Variants in LAMA2 observed in about 807,000 individuals in gnomAD.
LAMA2 encodes the protein laminin subunit alpha 2, also known as laminin subunit alpha-2.
LAMA2 carries 269 observed loss-of-function variants against 364.8 expected under a neutral mutation model. The observed-to-expected ratio is 0.74, with a 90% CI of 0.67 to 0.82. The LOEUF is 0.82. LAMA2 is among the 40% of genes least tolerant of loss of function. LAMA2 has a pLI of 0.00. For synonymous variants in LAMA2, 1,379 were observed against 1,370.6 expected, an observed-to-expected ratio of 1.01 and a Z score of -0.14; for missense variants, 3,807 against 3,873.2, an observed-to-expected ratio of 0.98 and a Z score of 0.45.
In LAMA2 at chr6:129,507,648, G is replaced by A. The variant is rs758859667; in HGVS notation, c.8857+6G>A. ...AACCGGTTTTGCCAAAGCAGGTAAG[G>A]CTCTTTCATTTCCTTCCTGTTGATT... On this transcript the variant is annotated splice_donor_region_variant and intron_variant, in intron 62 of 64. Transcript: ENST00000421865. 4.3e-6 allele frequency: 7 copies of A among 1,613,912 alleles called. No homozygotes were observed. Among genetic ancestry groups the A allele is most frequent in the African/African-American group, 1.3e-5 (1 of 75,026 alleles).
chr6:129,015,938 A>G (rs1170194671), intron 1 of LAMA2, among the ~76,000 whole-genome samples: 2 of 151,940 alleles, frequency 1.3e-5, no homozygotes, highest in African/African-American at 2.4e-5. Flanking sequence ...TCTTATCTGC[A>G]CTTCAATCAG....
chr6:129,228,808 C>G (rs1784494892), intron 12 of LAMA2, among the ~76,000 whole-genome samples: 1 of 152,334 alleles, frequency 6.6e-6, no homozygotes. Context: ...AGCTGTGGCT[C>G]TAACTGTCCT....
At chr6:129,235,429 A>C (rs1453439579) in intron 12 of LAMA2, among the ~76,000 whole-genome samples, 1 of 152,186 alleles carries the variant, frequency 6.6e-6, no homozygotes, top group Non-Finnish European at 1.5e-5. Flanking sequence ...AGAAGTATAC[A>C]ATTGCTCCTC....
Position 129,081,821 on chromosome 6 carries a change from A to T in LAMA2, c.397-16352A>T, listed in dbSNP as rs191022334. ...GCATTAAATGAATTCAATACTCCAAATTTTATAGAAGAAGCATTTCTGAAG... is the reference window on the plus strand; with the variant it reads ...GCATTAAATGAATTCAATACTCCAATTTTTATAGAAGAAGCATTTCTGAAG... On this transcript the variant is annotated intron_variant, in intron 3 of 64. Coordinates refer to ENST00000421865, the MANE Select transcript of LAMA2 (RefSeq NM_000426.4). Among the ~76,000 whole-genome samples the T allele has an allele frequency of 7.2e-5, 11 of 152,304 alleles. No individual in the cohort carries two copies. In the East Asian group the frequency reaches 2.1e-3, roughly 29 times the overall value.
chr6:129,407,101 A>G (rs1282261905), intron 40 of LAMA2, among the ~76,000 whole-genome samples: 1 of 152,120 alleles, frequency 6.6e-6, no homozygotes, highest in Non-Finnish European at 1.5e-5. Flanking sequence ...TATTCTAGCC[A>G]CACTGGCAGC....
chr6:129,132,259 C>T (rs538769895), intron 4 of LAMA2, among the ~76,000 whole-genome samples: 3 of 152,022 alleles, frequency 2.0e-5, no homozygotes, highest in South Asian at 2.1e-4. Flanking sequence ...CTCCACCTCC[C>T]GGGTTCATGC....
intron 62 of LAMA2, among the ~76,000 whole-genome samples, chr6:129,508,333 T>C (rs1245106039): frequency 6.6e-6 from 1 of 152,204 alleles, no homozygotes; most frequent in Non-Finnish European, 1.5e-5. Context: ...TCAGGGTAAA[T>C]GGGGTATCCA....
At chr6:129,484,388 T>A (rs1784497177) in intron 55 of LAMA2, among the ~76,000 whole-genome samples, 1 of 152,206 alleles carries the variant, frequency 6.6e-6, no homozygotes, top group African/African-American at 2.4e-5. Flanking sequence ...GTTGAACATG[T>A]GCATACTCTC....
intron 1 of LAMA2, among the ~76,000 whole-genome samples, chr6:129,037,732 C>T (rs554814312): frequency 1.1e-4 from 17 of 150,236 alleles, no homozygotes; most frequent in South Asian, 2.1e-4. Context: ...TGCAGTGGCG[C>T]GATCTCTGCT....
chr6:129,225,090 A>T (rs1784153714), intron 12 of LAMA2, among the ~76,000 whole-genome samples: 1 of 152,090 alleles, frequency 6.6e-6, no homozygotes, highest in South Asian at 2.1e-4. Flanking sequence ...GAATCTATCC[A>T]TTTCTTCAAG....
At chr6:129,505,699 G>T (rs1786007455) in intron 61 of LAMA2, among the ~76,000 whole-genome samples, 1 of 151,766 alleles carries the variant, frequency 6.6e-6, no homozygotes, top group African/African-American at 2.4e-5. Context: ...TAATAGAGAC[G>T]GGGTGTACTT....
chr6:129,269,364 C>CTT (rs370461121), intron 16 of LAMA2, among the ~76,000 whole-genome samples: 10,332 of 144,624 alleles, frequency 0.071, 1,137 homozygotes, highest in African/African-American at 0.24. Flanking sequence ...AAGCTTCCAT[C>CTT]TTTTTTTTTT....
intron 32 of LAMA2, among the ~76,000 whole-genome samples, chr6:129,357,838 G>C (rs1777233093): frequency 6.6e-6 from 1 of 151,920 alleles, no homozygotes; most frequent in African/African-American, 2.4e-5. Context: ...GGCAGTGATT[G>C]CCCCCTATAT....
chr6:129,208,616 G>GAAGA (rs140073793), intron 12 of LAMA2, among the ~76,000 whole-genome samples: 1 of 139,632 alleles, frequency 7.2e-6, no homozygotes, highest in Non-Finnish European at 1.5e-5. Context: ...AGAAAGAATG[G>GAAGA]AAGAAAGAAA....
chr6:129,515,891 C>T (rs895273709), intron 64 of LAMA2, among the ~76,000 whole-genome samples: 1 of 151,996 alleles, frequency 6.6e-6, no homozygotes, highest in African/African-American at 2.4e-5. Flanking sequence ...AGTTGGAGAG[C>T]AGCCTGGGCA....
rs544271722 is a variant in LAMA2, at chr6:129,066,038, G to GTTTTTTTTT, written c.396+6159_396+6167dup. 8.9e-4 allele frequency among the ~76,000 whole-genome samples: 33 copies of GTTTTTTTTT among 37,106 alleles called. 3 individuals are homozygous for GTTTTTTTTT. The highest frequency in any genetic ancestry group is 2.6e-3 in the African/African-American group (30 of 11,692). 24.3% of individuals were successfully genotyped at this position (37,106 alleles called of 152,430 possible). On this transcript the variant is annotated intron_variant, in intron 3 of 64. Coordinates refer to ENST00000421865, the MANE Select transcript of LAMA2 (RefSeq NM_000426.4). The stretch of plus-strand genomic sequence containing the variant: ...TCTTTTGTAAATTGCCCAGTCTCAG[G>GTTTTTTTTT]TTTTTTTTTTTTTTTTTTTTTTTTT...
chr6:129,296,277 G>C (rs1183788354), intron 20 of LAMA2, among the ~76,000 whole-genome samples: 1 of 151,644 alleles, frequency 6.6e-6, no homozygotes. Context: ...TCTAAGCCAG[G>C]TATCTAAAAT....
intron 12 of LAMA2, among the ~76,000 whole-genome samples, chr6:129,213,730 T>G (rs568738832): frequency 2.0e-5 from 3 of 152,326 alleles, no homozygotes; most frequent in African/African-American, 7.2e-5. Context: ...TTCTTGTTGT[T>G]GAGATTTAAG....
At chr6:129,337,711 A>G (rs1293191579) in intron 29 of LAMA2, among the ~76,000 whole-genome samples, 1 of 152,150 alleles carries the variant, frequency 6.6e-6, no homozygotes, top group African/African-American at 2.4e-5. Context: ...GAAGGAATAT[A>G]TACCAACAGT....
Sources: allele counts gnomAD v4.1 joint callset (sites outside exome capture counted in the v4.1 genomes callset), GRCh38; gene constraint gnomAD v4.1.1; transcripts MANE v1.5; gene names NCBI Gene and HGNC (gene_info 2026-07-23, HGNC 2026-07-21).